Variants in FXYD6 observed in about 807,000 individuals in gnomAD.
The protein encoded by FXYD6 is FXYD domain containing ion transport regulator 6.
Under a neutral mutation model 16.7 loss-of-function variants are expected in FXYD6, and 7 were observed. The ratio of observed to expected loss-of-function variants is 0.42; its 90% CI spans 0.24 to 0.79. The LOEUF (loss-of-function observed/expected upper bound fraction) is 0.79, where lower values mean the gene tolerates loss of function less well. FXYD6 is among the 30% of genes least tolerant of loss of function. FXYD6 has a pLI of 0.28. For missense variants in FXYD6, 111 were observed against 116.2 expected, an observed-to-expected ratio of 0.95 and a Z score of 0.21; for synonymous variants, 49 against 43.0, an observed-to-expected ratio of 1.14 and a Z score of -0.54.
chr11:117,865,852 G>A (rs1237928371), intron 1 of FXYD6, among the ~76,000 whole-genome samples: 1 of 152,126 alleles, frequency 6.6e-6, no homozygotes, highest in Non-Finnish European at 1.5e-5. Flanking sequence ...GCTTGAACCC[G>A]GGTGGTGGAG....
intron 1 of FXYD6, among the ~76,000 whole-genome samples, chr11:117,874,126 C>T (rs546400195): frequency 1.2e-3 from 186 of 152,284 alleles, no homozygotes; most frequent in South Asian, 2.5e-3. Flanking sequence ...ACTGGATGCT[C>T]CCTCAAGGCC....
chr11:117,839,952 C>T (rs920701408), intron 6 of FXYD6, 122 bp from the exon 7 acceptor site: 26 of 1,258,738 alleles, frequency 2.1e-5, no homozygotes, highest in Admixed American at 1.3e-4. Context: ...CATGGGATTT[C>T]GAGTCAGAAC....
At chr11:117,847,122 T>C (rs1470023177) in intron 1 of FXYD6, among the ~76,000 whole-genome samples, 1 of 152,228 alleles carries the variant, frequency 6.6e-6, no homozygotes, top group Non-Finnish European at 1.5e-5. Context: ...ATCATTTTTA[T>C]TGCTGCTTTC....
At chr11:117,839,874 C>G (rs777886638) in intron 6 of FXYD6, 44 bp from the exon 7 acceptor site, 2 of 1,612,908 alleles carry the variant, frequency 1.2e-6, no homozygotes, top group South Asian at 2.2e-5. Context: ...AGACTCCTCA[C>G]CCCCGTGGGC....
chr11:117,863,178 C>CTGGTG (rs752646127), intron 1 of FXYD6, among the ~76,000 whole-genome samples: 28 of 152,214 alleles, frequency 1.8e-4, no homozygotes, highest in Non-Finnish European at 4.1e-4. Context: ...ACTAATTCTG[C>CTGGTG]TGGTGCCATG....
intron 1 of FXYD6, among the ~76,000 whole-genome samples, chr11:117,858,641 T>TTCCC: frequency 3.3e-5 from 1 of 30,118 alleles, no homozygotes; most frequent in South Asian, 1.8e-3. Context: ...TTTTCTTTCT[T>TTCCC]TCTTTCTTTC....
rs764034898 is a variant in FXYD6, at chr11:117,839,803, C to T, written c.287G>A (p.Ter96=). 35 of 1,614,238 alleles carry T rather than the reference C, an allele frequency of 2.2e-5. No homozygotes were observed. The South Asian group carries it at 3.7e-4, about 17-fold the overall frequency. The change falls in exon 7 of 8, where the codon TGA becomes TAA. Residue 96 remains the stop codon, a stop_retained_variant. Transcript: ENST00000526014. ...CACCTTCCACCTGATGGCTGCACTT[C>T]AGTTCTCTGCTTTCTGGGGCTCTGT... The part of the protein sequence containing the change: ...NATEPQKAEN[*]
chr11:117,858,655 CTT>C (rs1379292133), intron 1 of FXYD6, among the ~76,000 whole-genome samples: 1 of 75,698 alleles, frequency 1.3e-5, no homozygotes, highest in African/African-American at 6.1e-5. Flanking sequence ...TTCTTTCTTT[CTT>C]TCTTTCTTTC....
At chr11:117,842,932 A>T in intron 1 of FXYD6, 151 bp from the exon 2 acceptor site, 1 of 760,142 alleles carries the variant, frequency 1.3e-6, no homozygotes, top group Non-Finnish European at 2.2e-6. Context: ...AAGCACAAGC[A>T]GTTGACTTTT....
At chr11:117,874,266 C>T (rs2057204100) in intron 1 of FXYD6, among the ~76,000 whole-genome samples, 1 of 152,190 alleles carries the variant, frequency 6.6e-6, no homozygotes, top group Non-Finnish European at 1.5e-5. Flanking sequence ...TGAAATCGGT[C>T]CTCAGGTCAG....
At chr11:117,866,158 A>G (rs900824760) in intron 1 of FXYD6, among the ~76,000 whole-genome samples, 12 of 151,930 alleles carry the variant, frequency 7.9e-5, no homozygotes, top group Non-Finnish European at 1.5e-4. Context: ...ATGGGGAGTG[A>G]GTGTTTAATG....
intron 2 of FXYD6, chr11:117,842,298 A>T: frequency 1.7e-6 from 1 of 585,090 alleles, no homozygotes; most frequent in Non-Finnish European, 3.0e-6. Flanking sequence ...GTATTCTTAC[A>T]TCATCCCCAG....
chr11:117,857,068 T>G (rs1372345877), intron 1 of FXYD6, among the ~76,000 whole-genome samples: 1 of 152,066 alleles, frequency 6.6e-6, no homozygotes, highest in Non-Finnish European at 1.5e-5. Flanking sequence ...CCTGCAGGAA[T>G]GGGGTGGCCA....
intron 1 of FXYD6, among the ~76,000 whole-genome samples, chr11:117,864,363 AAGTGC>A (rs2056969823): frequency 2.0e-5 from 3 of 152,248 alleles, no homozygotes; most frequent in African/African-American, 7.2e-5. Context: ...TTCAACAAGT[AAGTGC>A]CAGGAAAACC....
At chr11:117,863,476 T>TAA (rs752219553) in intron 1 of FXYD6, among the ~76,000 whole-genome samples, 1 of 140,926 alleles carries the variant, frequency 7.1e-6, no homozygotes, top group Non-Finnish European at 1.6e-5. Context: ...GCCATAAGTT[T>TAA]AAAAAAAAAA....
intron 1 of FXYD6, among the ~76,000 whole-genome samples, chr11:117,851,359 C>T (rs2056607465): frequency 6.6e-6 from 1 of 152,222 alleles, no homozygotes; most frequent in Admixed American, 6.5e-5. Flanking sequence ...GATATTCAGG[C>T]ACCCCTGTGG....
chr11:117,840,423 G>C (rs1287960374), intron 5 of FXYD6, 55 bp from the exon 6 acceptor site: 1 of 1,612,680 alleles, frequency 6.2e-7, no homozygotes. Flanking sequence ...CAGACCCAGA[G>C]AGCATCGTTC....
chr11:117,859,151 T>A (rs1421054835), intron 1 of FXYD6, among the ~76,000 whole-genome samples: 1 of 152,170 alleles, frequency 6.6e-6, no homozygotes, highest in East Asian at 1.9e-4. Context: ...GAGATACATC[T>A]CCTGCCTCCT....
At chr11:117,861,062 G>C (rs1409050286) in intron 1 of FXYD6, among the ~76,000 whole-genome samples, 1 of 152,146 alleles carries the variant, frequency 6.6e-6, no homozygotes, top group Non-Finnish European at 1.5e-5. Flanking sequence ...AGCGTTACTT[G>C]GCTTCTCAGA....
Sources: allele counts gnomAD v4.1 joint callset (sites outside exome capture counted in the v4.1 genomes callset), GRCh38; gene constraint gnomAD v4.1.1; transcripts MANE v1.5; gene names NCBI Gene and HGNC (gene_info 2026-07-23, HGNC 2026-07-21).